Variants in CFAP52 observed in about 807,000 individuals in gnomAD.
CFAP52 encodes the protein cilia and flagella associated protein 52.
A neutral mutation model predicts 70.5 loss-of-function variants in CFAP52; 57 were observed. The ratio of observed to expected loss-of-function variants is 0.81; its 90% confidence interval spans 0.65 to 1.01. CFAP52 has a LOEUF of 1.01. Among genes scored for constraint, CFAP52 ranks in the 50% least tolerant of loss-of-function variants. CFAP52 has a pLI of 0.00. For missense variants in CFAP52, 785 were observed against 788.5 expected, an observed-to-expected ratio of 1.00 and a Z score of 0.05; for synonymous variants, 267 against 292.5, an observed-to-expected ratio of 0.91 and a Z score of 0.89.
chr17:9,629,134 A>T (rs1910351538), intron 9 of CFAP52, among the ~76,000 whole-genome samples: 1 of 152,110 alleles, frequency 6.6e-6, no homozygotes, highest in South Asian at 2.1e-4. Flanking sequence ...CCATGTGAGG[A>T]CCCTTTTTGT....
At position 9,631,052 on chromosome 17, in the gene CFAP52, G is replaced by GAGAGAGAGAGAAAGAA. The variant is rs370935367; in HGVS notation, c.1175-1833_1175-1832insGAGAGAGAAAGAAAGA. Among the ~76,000 whole-genome samples the GAGAGAGAGAGAAAGAA allele has an allele frequency of 8.2e-4, 31 of 37,954 alleles. 2 individuals are homozygous for GAGAGAGAGAGAAAGAA. Among genetic ancestry groups the GAGAGAGAGAGAAAGAA allele is most frequent in the African/African-American group, 3.1e-3 (24 of 7,628 alleles). The allele number at this position is 37,954 out of a possible 152,430, so 24.9% of individuals were successfully genotyped here. On this transcript the variant is annotated intron_variant, in intron 9 of 13. Transcript: ENST00000352665. ...AAAGAGAGAGAGAGAGAGAGAGAGA[G>GAGAGAGAGAGAAAGAA]AGAAAGAAAGAAAGAAAGAAAGAAA...
At chr17:9,594,517 G>A in intron 4 of CFAP52, 196 bp downstream of exon 4, 1 of 598,792 alleles carries the variant, frequency 1.7e-6, no homozygotes, top group Non-Finnish European at 2.5e-6. Context: ...TTAAAATTCT[G>A]TGATTGCTGC....
At chr17:9,585,386 T>TG (rs1342545603) in intron 1 of CFAP52, among the ~76,000 whole-genome samples, 1 of 152,134 alleles carries the variant, frequency 6.6e-6, no homozygotes, top group African/African-American at 2.4e-5. Flanking sequence ...TTTAAAGTGT[T>TG]GGCCGGGCGC....
At chr17:9,602,176 T>C (rs1346272837) in intron 6 of CFAP52, among the ~76,000 whole-genome samples, 2 of 152,160 alleles carry the variant, frequency 1.3e-5, no homozygotes, top group Non-Finnish European at 2.9e-5. Flanking sequence ...GTGCAGACCG[T>C]GCAGGTTTGT....
At chr17:9,579,835 T>C (rs1295040331) in intron 1 of CFAP52, among the ~76,000 whole-genome samples, 5 of 152,254 alleles carry the variant, frequency 3.3e-5, no homozygotes, top group Non-Finnish European at 7.3e-5. Flanking sequence ...CCCAAAGTGC[T>C]GGGATTACAG....
rs1448927458 is a variant in CFAP52 at position 9,631,101 on chromosome 17, A to G, written c.1175-1787A>G. Among the ~76,000 whole-genome samples the G allele has an allele frequency of 1.1e-3, 169 of 151,148 alleles. 11 individuals are homozygous for G. The highest frequency in any genetic ancestry group is 4.0e-3 in the African/African-American group (163 of 40,818). The stretch of plus-strand genomic sequence containing the variant: ...AAGAAAGAGAAAGAAAGAAAGAGAA[A>G]GAAAGAACATAAGTCAGAATTTGCC... On this transcript the variant is annotated intron_variant, in intron 9 of 13. Transcript: ENST00000352665.
intron 4 of CFAP52, among the ~76,000 whole-genome samples, chr17:9,597,992 A>G (rs1026424005): frequency 4.6e-5 from 7 of 152,090 alleles, no homozygotes; most frequent in Non-Finnish European, 8.8e-5. Flanking sequence ...AGTGAGACGG[A>G]GCCAGGTGTG....
At chr17:9,625,942 C>A (rs775844485) in intron 8 of CFAP52, among the ~76,000 whole-genome samples, 1 of 152,158 alleles carries the variant, frequency 6.6e-6, no homozygotes, top group Non-Finnish European at 1.5e-5. Context: ...ATGTTTCTGA[C>A]CTATGTGATG....
intron 7 of CFAP52, among the ~76,000 whole-genome samples, chr17:9,609,038 A>G (rs967628190): frequency 2.0e-5 from 3 of 152,244 alleles, no homozygotes; most frequent in South Asian, 4.2e-4. Context: ...TCACAGAGGG[A>G]TGGGCTTAAA....
intron 1 of CFAP52, among the ~76,000 whole-genome samples, chr17:9,579,601 C>G (rs1033216951): frequency 6.6e-6 from 1 of 152,160 alleles, no homozygotes; most frequent in East Asian, 1.9e-4. Flanking sequence ...GGAGTCTCAC[C>G]CTGTCTCCCA....
intron 4 of CFAP52, among the ~76,000 whole-genome samples, chr17:9,594,906 T>TTC (rs1172079861): frequency 1.3e-5 from 2 of 151,038 alleles, no homozygotes; most frequent in Non-Finnish European, 3.0e-5. Context: ...TTTTTTTTTT[T>TTC]TTTTGACAGT....
chr17:9,636,600 C>A (rs1380891976), intron 11 of CFAP52, among the ~76,000 whole-genome samples: 1 of 152,108 alleles, frequency 6.6e-6, no homozygotes, highest in East Asian at 1.9e-4. Context: ...CACCTATCAC[C>A]CCTCTACCCC....
At position 9,628,795 on chromosome 17, in the gene CFAP52, G is replaced by A; in HGVS notation, c.1149G>A (p.Met383Ile). The change falls in exon 9 of 14, where the codon ATG (methionine) becomes ATA (isoleucine). Residue 383 changes from methionine to isoleucine, a missense_variant. Coordinates refer to ENST00000352665, the MANE Select transcript of CFAP52 (RefSeq NM_145054.5). Reference protein sequence around the residue: ...PNMTCHGIDFMRDGKSIISAW... With the variant: ...PNMTCHGIDFIRDGKSIISAW... ...TGACCTGCCACGGCATCGACTTCAT[G>A]AGGGACGGCAAAAGCATCATTTCAG... 1 of 1,614,108 alleles carries A rather than the reference G, an allele frequency of 6.2e-7. No homozygotes were observed. Among genetic ancestry groups the A allele is most frequent in the Non-Finnish European group, 8.5e-7 (1 of 1,180,004 alleles).
rs1909645576 is a variant in CFAP52, at chr17:9,609,809, A to G, written c.854+1590A>G. Among the ~76,000 whole-genome samples the G allele has an allele frequency of 2.0e-5, 3 of 152,092 alleles. No homozygotes were observed. The South Asian group carries it at 6.2e-4, about 32-fold the overall frequency. Reference sequence around the variant, plus strand: ...TGTTTTAGACCAGTTTCATGCTTGTATGAAGGGAAATGAGGGAGGGAGGAG... The same window carrying G: ...TGTTTTAGACCAGTTTCATGCTTGTGTGAAGGGAAATGAGGGAGGGAGGAG... On this transcript the variant is annotated intron_variant, in intron 7 of 13. Coordinates refer to ENST00000352665, the MANE Select transcript of CFAP52 (RefSeq NM_145054.5).
chr17:9,607,677 G>A (rs954021961), intron 6 of CFAP52, among the ~76,000 whole-genome samples: 2 of 152,216 alleles, frequency 1.3e-5, no homozygotes, highest in Non-Finnish European at 2.9e-5. Flanking sequence ...TGAGAGACTA[G>A]CATTGCTGAG....
chr17:9,610,218 G>C (rs1909661111), intron 7 of CFAP52: 1 of 152,052 alleles, frequency 6.6e-6, no homozygotes, highest in Non-Finnish European at 1.5e-5. Context: ...AACAAACTAT[G>C]TTGGGTTATC....
In CFAP52 at chr17:9,585,809, A is replaced by G; in HGVS notation, c.107A>G (p.Gln36Arg). The G allele has an allele frequency of 6.2e-7, 1 of 1,614,128 alleles. No homozygotes were observed. Among genetic ancestry groups the G allele is most frequent in the Non-Finnish European group, 8.5e-7 (1 of 1,180,024 alleles). Residue 36 changes from glutamine to arginine, a missense_variant, in exon 2 of 14, where the codon CAG becomes CGG. Transcript: ENST00000352665. The part of the protein sequence containing the change: ...VPTGLKCHPD[Q>R]EHMIYPLGCT... ...ACTGGTCTCAAATGCCATCCTGACCAGGAGCATATGATTTATCCTCTTGGT... is the reference window on the plus strand; with the variant it reads ...ACTGGTCTCAAATGCCATCCTGACCGGGAGCATATGATTTATCCTCTTGGT...
At chr17:9,631,066 GAAAGAAAGAAAGAAAGAGAA>G (rs1567634998) in intron 9 of CFAP52, among the ~76,000 whole-genome samples, 3 of 123,200 alleles carry the variant, frequency 2.4e-5, no homozygotes, top group Admixed American at 2.3e-4. Context: ...AAGAAAGAAA[GAAAGAAAGAAAGAAAGAGAA>G]AGAAAGAAAG....
chr17:9,577,995 G>A (rs1472136557), intron 1 of CFAP52, among the ~76,000 whole-genome samples: 2 of 152,220 alleles, frequency 1.3e-5, no homozygotes, highest in African/African-American at 4.8e-5. Context: ...GAGAGGCTGA[G>A]GGAGGAGAAT....
Sources: gnomAD v4.1 joint callset for allele counts (sites outside exome capture counted in the v4.1 genomes callset) on GRCh38, gnomAD v4.1.1 for gene constraint, MANE v1.5 for transcripts, NCBI Gene and HGNC (gene_info 2026-07-23, HGNC 2026-07-21) for gene names.